Variants in ASGR1 observed in about 807,000 individuals in gnomAD.
ASGR1 encodes C-type lectin domain family 4 member H1.
Under a neutral mutation model 33.1 loss-of-function variants are expected in ASGR1, and 35 were observed. The ratio of observed to expected loss-of-function variants is 1.06; its 90% CI spans 0.81 to 1.40. The LOEUF (loss-of-function observed/expected upper bound fraction) is 1.40. ASGR1 is among the 40% of genes most tolerant of loss of function. The pLI is 0.00. For missense variants in ASGR1, 396 were observed against 373.7 expected, an observed-to-expected ratio of 1.06 and a Z score of -0.49; for synonymous variants, 142 against 152.5, an observed-to-expected ratio of 0.93 and a Z score of 0.51.
Position 7,173,929 on chromosome 17 carries a change from C to A in ASGR1, c.701+32G>T. ...CAGGGCCCCAGGGCGCGAAGGCGGC[C>A]GGACCCAGGCCGAGGGAGGGCGCGC... On this transcript the variant is annotated intron_variant, in intron 8 of 8. Transcript: ENST00000269299. The surrounding 1 kb of genome is among the most constrained non-coding windows in gnomAD (Gnocchi z 4.7). The A allele has an allele frequency of 1.2e-6, 2 of 1,613,270 alleles. No individual in the cohort carries two copies.
chr17:7,176,994 G>T lies in ASGR1; in HGVS notation c.270C>A (p.Gly90=). ...FTASTEAQVK[G]LSTQGGNVGR... ...CAGCGCCCTCACCCTGGGTGCTCAA[G>T]CCCTTGACCTGGGCCTCCGTGCTCG... Residue 90 remains glycine (G), a synonymous_variant, in exon 4 of 9, where the codon GGC becomes GGA. Transcript: ENST00000269299. 6.4e-7 allele frequency: 1 copy of T among 1,570,744 alleles called. No individual in the cohort carries two copies.
In ASGR1 at chr17:7,175,565, TAC is replaced by T. The variant is rs540960923; in HGVS notation, c.356-1107_356-1106del. On this transcript the variant is annotated intron_variant, in intron 5 of 8. Transcript: ENST00000269299. ...AATGCACATTCACACAACACGCACA[TAC>T]ACACACTCACATGCACTTACACATA... Among the ~76,000 whole-genome samples, 26 of 151,484 alleles carry T rather than the reference TAC, an allele frequency of 1.7e-4. No individual in the cohort carries two copies. In the East Asian group the frequency reaches 2.3e-3, roughly 14 times the overall value.
intron 5 of ASGR1, among the ~76,000 whole-genome samples, chr17:7,176,269 ACTC>A (rs1597423276): frequency 6.0e-5 from 8 of 133,000 alleles, no homozygotes; most frequent in South Asian, 2.4e-4. Flanking sequence ...TCTCACACTC[ACTC>A]ACACACCCCA....
intron 5 of ASGR1, among the ~76,000 whole-genome samples, chr17:7,175,559 C>T (rs995334300): frequency 1.3e-5 from 2 of 151,840 alleles, no homozygotes; most frequent in African/African-American, 2.4e-5. Context: ...TCACACAACA[C>T]GCACATACAC....
intron 2 of ASGR1, chr17:7,178,218 T>C: frequency 2.1e-6 from 1 of 487,046 alleles, no homozygotes; most frequent in Non-Finnish European, 3.7e-6. Context: ...AGTGACCTCA[T>C]CTCTCCAGCT....
intron 5 of ASGR1, among the ~76,000 whole-genome samples, chr17:7,175,080 CACAT>C (rs987121739): frequency 9.4e-5 from 14 of 149,370 alleles, no homozygotes; most frequent in Admixed American, 2.7e-4. Context: ...CACCGTAACC[CACAT>C]ACACAGACAA....
chr17:7,176,417 A>T (rs1383658845), intron 5 of ASGR1, among the ~76,000 whole-genome samples: 1 of 145,890 alleles, frequency 6.9e-6, no homozygotes, highest in East Asian at 2.0e-4. Context: ...ACACTCACAG[A>T]CACACTCCGT....
intron 5 of ASGR1, chr17:7,176,562 C>G (rs529523137): frequency 1.8e-6 from 1 of 566,944 alleles, no homozygotes; most frequent in Middle Eastern, 4.8e-4. Context: ...CACACACACA[C>G]CTCATTCTCA....
chr17:7,176,642 A>G (rs1391959001), intron 5 of ASGR1, 188 bp downstream of exon 5: 1 of 732,932 alleles, frequency 1.4e-6, no homozygotes, highest in Non-Finnish European at 2.2e-6. Flanking sequence ...TCATTCTCAC[A>G]TCCACACAAG....
intron 2 of ASGR1, 50 bp from the exon 3 acceptor site, chr17:7,177,376 A>G (rs1279875781): frequency 1.4e-6 from 2 of 1,476,986 alleles, no homozygotes; most frequent in South Asian, 2.3e-5. Context: ...GGACCCTGGC[A>G]CAGCTCCAGG....
In ASGR1 at chr17:7,173,613, C is replaced by A; in HGVS notation, c.*46G>T. On this transcript the variant is annotated 3_prime_UTR_variant, in exon 9 of 9. Coordinates refer to ENST00000269299, the MANE Select transcript of ASGR1 (RefSeq NM_001671.5). This position sits in a 1 kb window ranked among gnomAD's most constrained non-coding sequence, Gnocchi z 4.7. ...GAAGAGGCCCCCAGATGGGCGGATT[C>A]CCAATCCCGGACCCCTGCGGCAGGT... The A allele has an allele frequency of 6.2e-7, 1 of 1,610,026 alleles. No homozygotes were observed. The highest frequency in any genetic ancestry group is 1.1e-5 in the South Asian group (1 of 90,928).
In ASGR1 at chr17:7,173,923, G is replaced by A. The variant is rs1341920110; in HGVS notation, c.701+38C>T. ...TCAGCCCAGGGCCCCAGGGCGCGAAGGCGGCCGGACCCAGGCCGAGGGAGG... is the reference window on the plus strand; with the variant it reads ...TCAGCCCAGGGCCCCAGGGCGCGAAAGCGGCCGGACCCAGGCCGAGGGAGG... On this transcript the variant is annotated intron_variant, in intron 8 of 8. Coordinates refer to ENST00000269299, the MANE Select transcript of ASGR1 (RefSeq NM_001671.5). The surrounding 1 kb of genome is among the most constrained non-coding windows in gnomAD (Gnocchi z 4.7). 1 of 1,612,878 alleles carries A rather than the reference G, an allele frequency of 6.2e-7. No individual in the cohort carries two copies. Among genetic ancestry groups the A allele is most frequent in the South Asian group, 1.1e-5 (1 of 91,054 alleles).
chr17:7,176,854 T>C lies in ASGR1; in HGVS notation c.331A>G (p.Lys111Glu). Reference sequence around the variant, plus strand: ...CCTTCACTCAGGTCCTTCTGCTGTTTCTCCAGCTGGGACTCTAGCGACTTC... The same window carrying C: ...CCTTCACTCAGGTCCTTCTGCTGTTCCTCCAGCTGGGACTCTAGCGACTTC... Reference protein sequence around the residue: ...KMKSLESQLEKQQKDLSEDHS... With the variant: ...KMKSLESQLEEQQKDLSEDHS... Residue 111 changes from lysine to glutamate, a missense_variant, in exon 5 of 9, where the codon AAA becomes GAA. By Grantham distance (56) the Lys-to-Glu change is moderately conservative. Transcript: ENST00000269299. 6.2e-7 allele frequency: 1 copy of C among 1,613,114 alleles called. No individual in the cohort carries two copies. Among genetic ancestry groups the C allele is most frequent in the Non-Finnish European group, 8.5e-7 (1 of 1,179,954 alleles).
At position 7,176,529 on chromosome 17, in the gene ASGR1, A is replaced by ACACATACT. The variant is rs1555597840; in HGVS notation, c.355+300_355+301insAGTATGTG. On this transcript the variant is annotated intron_variant, in intron 5 of 8. Transcript: ENST00000269299. Reference sequence around the variant, plus strand: ...CAGACACACACCCCCTCTCATTCCCACACACACACCATCTCATTCTCACAC... The same window carrying ACACATACT: ...CAGACACACACCCCCTCTCATTCCCACACATACTCACACACACCATCTCATTCTCACAC... The ACACATACT allele has an allele frequency of 1.8e-5, 9 of 494,188 alleles. No homozygotes were observed. In the African/African-American group the frequency reaches 2.0e-4, roughly 11 times the overall value. The allele number at this position is 494,188 out of a possible 1,614,324, so 30.6% of individuals were successfully genotyped here. A position where few individuals can be genotyped will look rare whatever the true frequency, so the allele number is the denominator to read the frequency against.
At chr17:7,177,757 G>A (rs2069234757) in intron 2 of ASGR1, 1 of 181,062 alleles carries the variant, frequency 5.5e-6, no homozygotes, top group African/African-American at 2.4e-5. Context: ...TGCGTGCAGG[G>A]AGAGAAGGTG....
chr17:7,177,052 C>G lies in ASGR1; in HGVS notation c.212G>C (p.Arg71Pro), dbSNP rs759946011. ...GTTGCTGAACGTCTCTCTCAGGCCC[C>G]GCAGCTCCTCCTGCAGCTGGGAGTC... is the stretch of plus-strand genomic sequence containing the variant. ...SQNSQLQEEL[R>P]GLRETFSNFT... is the part of the protein sequence containing the mutation. Residue 71 changes from arginine to proline, a missense_variant, in exon 4 of 9, where the codon CGG (arginine) becomes CCG (proline). Physicochemically the swap from Arg to Pro is moderately radical, Grantham distance 103. Coordinates refer to ENST00000269299, the MANE Select transcript of ASGR1 (RefSeq NM_001671.5). The G allele has an allele frequency of 3.7e-6, 6 of 1,613,646 alleles. No individual in the cohort carries two copies. Among genetic ancestry groups the G allele is most frequent in the Non-Finnish European group, 3.4e-6 (4 of 1,179,976 alleles).
intron 5 of ASGR1, among the ~76,000 whole-genome samples, chr17:7,176,017 C>T (rs923741284): frequency 7.2e-6 from 1 of 138,396 alleles, no homozygotes; most frequent in African/African-American, 2.7e-5. Flanking sequence ...AACACAGACT[C>T]ACACTCGTAC....
intron 2 of ASGR1, chr17:7,177,672 A>G (rs372365583): frequency 7.8e-4 from 195 of 248,820 alleles, no homozygotes; most frequent in African/African-American, 4.1e-3. Flanking sequence ...CGCGCCTCGG[A>G]GTCGCTGCTT....
intron 5 of ASGR1, among the ~76,000 whole-genome samples, chr17:7,176,328 TCA>T (rs2069207026): frequency 7.6e-6 from 1 of 131,468 alleles, no homozygotes; most frequent in Middle Eastern, 5.4e-3. Context: ...CAAACACCCC[TCA>T]TTCTCACACT....
Sources: allele counts gnomAD v4.1 joint callset (sites outside exome capture counted in the v4.1 genomes callset), GRCh38; gene constraint gnomAD v4.1.1; non-coding constraint Gnocchi (gnomAD v3.1); transcripts MANE v1.5; gene names NCBI Gene and HGNC (gene_info 2026-07-23, HGNC 2026-07-21).